CSMD1: variants seen among roughly 807,000 people sequenced by gnomAD.
The protein encoded by CSMD1 is CUB and sushi domain-containing protein 1.
Under a neutral mutation model 417.5 loss-of-function variants are expected in CSMD1, and 213 were observed. The observed-to-expected ratio is 0.51, with a 90% CI of 0.46 to 0.57. The LOEUF is 0.57. Among genes scored for constraint, CSMD1 ranks in the 20% least tolerant of loss-of-function variants. The probability of loss-of-function intolerance (pLI) is 0.00; values close to 1 mark genes in which losing one functional copy is unlikely to be tolerated. For missense variants in CSMD1, 6,923 were observed against 4,529.7 expected (o/e 1.53, Z -15.17); for synonymous variants, 2,862 against 1,736.8 (o/e 1.65, Z -16.11).
At chr8:3,686,692 A>C (rs1473221013) in intron 7 of CSMD1, among the ~76,000 whole-genome samples, 1 of 152,186 alleles carries the variant, frequency 6.6e-6, no homozygotes, top group East Asian at 1.9e-4. Context: ...TCTCTAGCCG[A>C]TCCCTTACCC....
At chr8:4,836,285 C>T (rs1800485667) in intron 1 of CSMD1, among the ~76,000 whole-genome samples, 2 of 152,154 alleles carry the variant, frequency 1.3e-5, no homozygotes, top group African/African-American at 4.8e-5. Context: ...TTTTCACTAC[C>T]TTCTTCCCCT....
At chr8:4,566,895 C>CAACGAGAAAAACTCAATTTAGG (rs1554514087) in intron 2 of CSMD1, among the ~76,000 whole-genome samples, 1 of 151,306 alleles carries the variant, frequency 6.6e-6, no homozygotes, top group South Asian at 2.1e-4. Flanking sequence ...TGTTTTCCAG[C>CAACGAGAAAAACTCAATTTAGG]AATGAGAAAA....
chr8:3,042,714 A>C (rs1811184556), intron 50 of CSMD1, among the ~76,000 whole-genome samples: 1 of 152,150 alleles, frequency 6.6e-6, no homozygotes, highest in Admixed American at 6.5e-5. Flanking sequence ...GTTTGTTATA[A>C]GAGCTCAGAG....
At chr8:4,076,158 G>T (rs1799811849) in intron 3 of CSMD1, among the ~76,000 whole-genome samples, 1 of 152,168 alleles carries the variant, frequency 6.6e-6, no homozygotes, top group Non-Finnish European at 1.5e-5. Context: ...GCGTGTGGTT[G>T]CTCCATGGTG....
intron 2 of CSMD1, among the ~76,000 whole-genome samples, chr8:4,555,999 T>A (rs1798071653): frequency 6.6e-6 from 1 of 152,108 alleles, no homozygotes; most frequent in Non-Finnish European, 1.5e-5. Flanking sequence ...GTAAGTATAT[T>A]TTTGAACCTC....
chr8:3,637,075 G>C (rs1416531064), intron 7 of CSMD1, among the ~76,000 whole-genome samples: 1 of 152,090 alleles, frequency 6.6e-6, no homozygotes, highest in African/African-American at 2.4e-5. Flanking sequence ...CCTCATGCTT[G>C]AACTTCCCAG....
chr8:4,151,619 G>A (rs1003626858), intron 3 of CSMD1, among the ~76,000 whole-genome samples: 2 of 152,094 alleles, frequency 1.3e-5, no homozygotes, highest in Non-Finnish European at 2.9e-5. Flanking sequence ...GTGACATGTA[G>A]TTTCACTTTG....
chr8:4,072,331 C>T (rs34178633), intron 3 of CSMD1, among the ~76,000 whole-genome samples: 39,427 of 152,072 alleles, frequency 0.26, 6,436 homozygotes, highest in Non-Finnish European at 0.35. Context: ...TTTACTTCTA[C>T]TTGACACAAA....
chr8:4,804,527 G>A (rs192236481), intron 1 of CSMD1, among the ~76,000 whole-genome samples: 39 of 151,198 alleles, frequency 2.6e-4, no homozygotes, highest in African/African-American at 7.8e-4. Flanking sequence ...AAGAATGGAC[G>A]TGAGAGAGAG....
intron 5 of CSMD1, among the ~76,000 whole-genome samples, chr8:3,946,458 A>G (rs1811231124): frequency 6.6e-6 from 1 of 152,142 alleles, no homozygotes; most frequent in African/African-American, 2.4e-5. Context: ...TTCAAATCGT[A>G]TTATGTAAGT....
chr8:4,600,857 G>C (rs1409766781), intron 2 of CSMD1, among the ~76,000 whole-genome samples: 1 of 151,906 alleles, frequency 6.6e-6, no homozygotes, highest in African/African-American at 2.4e-5. Context: ...GACTTTAAAA[G>C]GTTTGCTTAT....
chr8:3,991,109 C>A (rs1356313175), intron 5 of CSMD1, among the ~76,000 whole-genome samples: 1 of 152,166 alleles, frequency 6.6e-6, no homozygotes, highest in Non-Finnish European at 1.5e-5. Context: ...TGGCCACGAG[C>A]CGAGAGAAAA....
rs187261771 is a variant in CSMD1 at position 3,903,720 on chromosome 8, C to A, written c.818+94183G>T. On this transcript the variant is annotated intron_variant, in intron 5 of 69. Coordinates refer to ENST00000635120, the MANE Select transcript of CSMD1 (RefSeq NM_033225.6). The stretch of plus-strand genomic sequence containing the variant: ...TCAGATACAGCATCCTGAAAGAAGC[C>A]AACAGGACATCATCAACTTTCAGGT... 1.3e-3 allele frequency among the ~76,000 whole-genome samples: 192 copies of A among 152,208 alleles called. 1 individual carries two copies. Among genetic ancestry groups the A allele is most frequent in the African/African-American group, 4.3e-3 (178 of 41,518 alleles).
At chr8:4,640,432 GC>G (rs1803120007) in intron 1 of CSMD1, among the ~76,000 whole-genome samples, 1 of 152,098 alleles carries the variant, frequency 6.6e-6, no homozygotes, top group African/African-American at 2.4e-5. Context: ...AGCCTAAATA[GC>G]CAGTGGAACA....
At chr8:3,676,653 G>T (rs1305399377) in intron 7 of CSMD1, among the ~76,000 whole-genome samples, 2 of 152,108 alleles carry the variant, frequency 1.3e-5, no homozygotes. Context: ...ACACACATGT[G>T]GGTAGAGTAT....
chr8:4,915,314 G>C (rs1399793732), intron 1 of CSMD1, among the ~76,000 whole-genome samples: 2 of 152,082 alleles, frequency 1.3e-5, no homozygotes, highest in Admixed American at 1.3e-4. Context: ...TTCCCGTGTG[G>C]ATTTATTGCA....
rs527403622 is a variant in CSMD1, at chr8:3,315,809, CT to C, written c.3632-7307del. ...ACTGTCTTATTTTTTATCAAGCAAA[CT>C]TTTAATAAATCATAAAGCAAGTTAA... On this transcript the variant is annotated intron_variant, in intron 23 of 69. Coordinates refer to ENST00000635120, the MANE Select transcript of CSMD1 (RefSeq NM_033225.6). Among the ~76,000 whole-genome samples, 30 of 152,232 alleles carry C rather than the reference CT, an allele frequency of 2.0e-4. No homozygotes were observed. In the East Asian group the frequency reaches 5.8e-3, roughly 29 times the overall value.
chr8:4,818,211 A>G (rs969261204), intron 1 of CSMD1, among the ~76,000 whole-genome samples: 3 of 152,150 alleles, frequency 2.0e-5, no homozygotes, highest in African/African-American at 7.2e-5. Flanking sequence ...TCCTGAGCAA[A>G]TGTTTTAAAA....
At chr8:3,846,822 T>C (rs1453772544) in intron 5 of CSMD1, among the ~76,000 whole-genome samples, 1 of 152,064 alleles carries the variant, frequency 6.6e-6, no homozygotes, top group Non-Finnish European at 1.5e-5. Context: ...TACAGGTGCC[T>C]GCCACCACGT....
Sources: gnomAD v4.1 joint callset for allele counts (sites outside exome capture counted in the v4.1 genomes callset) on GRCh38, gnomAD v4.1.1 for gene constraint, MANE v1.5 for transcripts, NCBI Gene and HGNC (gene_info 2026-07-23, HGNC 2026-07-21) for gene names.